STAC: variants seen among roughly 807,000 people sequenced by gnomAD.
The protein encoded by STAC is SH3 and cysteine rich domain, also known as SH3 and cysteine-rich domain-containing protein.
A neutral mutation model predicts 48.8 loss-of-function variants in STAC; 43 were observed. That is an observed-to-expected ratio of 0.88 (90% confidence interval 0.69 to 1.14). STAC has a LOEUF of 1.14. Ranked by LOEUF, STAC falls within the 50% of genes most tolerant of loss-of-function variation. The pLI, the probability that STAC is intolerant of heterozygous loss-of-function variation, is 0.00. For synonymous variants in STAC, 193 were observed against 179.5 expected (o/e 1.07, Z -0.60); for missense variants, 497 against 504.0 (o/e 0.99, Z 0.13).
intron 2 of STAC, among the ~76,000 whole-genome samples, chr3:36,476,162 T>G (rs1697487229): frequency 6.6e-6 from 1 of 152,224 alleles, no homozygotes; most frequent in African/African-American, 2.4e-5. Flanking sequence ...TAATCTTTCC[T>G]GATGGACAGT....
intron 5 of STAC, among the ~76,000 whole-genome samples, chr3:36,492,005 G>GGA (rs1697980061): frequency 1.6e-4 from 1 of 6,428 alleles, no homozygotes; most frequent in Non-Finnish European, 2.6e-4. Context: ...TCCATCTCAA[G>GGA]AAAAAAAAAA....
intron 2 of STAC, among the ~76,000 whole-genome samples, chr3:36,452,827 G>A (rs1696721332): frequency 1.3e-5 from 2 of 152,164 alleles, no homozygotes. Context: ...CTAGAAAGTG[G>A]CAGAAAGGAG....
intron 6 of STAC, among the ~76,000 whole-genome samples, chr3:36,499,118 T>C (rs747507218): frequency 8.5e-5 from 13 of 152,156 alleles, no homozygotes; most frequent in Non-Finnish European, 1.5e-4. Context: ...GTATTTACAG[T>C]TCAATTAAGA....
At chr3:36,503,514 T>C (rs1354823389) in intron 6 of STAC, among the ~76,000 whole-genome samples, 3 of 152,168 alleles carry the variant, frequency 2.0e-5, no homozygotes, top group African/African-American at 7.2e-5. Flanking sequence ...TACTGCAACC[T>C]CCACCTTGCA....
intron 1 of STAC, among the ~76,000 whole-genome samples, chr3:36,408,956 A>AGCAAAATTAT (rs1700138292): frequency 6.6e-6 from 1 of 152,238 alleles, no homozygotes. Flanking sequence ...CACAGAGCAC[A>AGCAAAATTAT]GCAAAATTAT....
At chr3:36,515,040 A>G in intron 8 of STAC, among the ~76,000 whole-genome samples, 1 of 94,920 alleles carries the variant, frequency 1.1e-5, no homozygotes. Flanking sequence ...TCTGTCTCCA[A>G]ATAATAATAA....
intron 6 of STAC, among the ~76,000 whole-genome samples, chr3:36,503,678 C>G (rs1458626393): frequency 6.6e-6 from 1 of 152,098 alleles, no homozygotes; most frequent in African/African-American, 2.4e-5. Flanking sequence ...AGTGATCTAC[C>G]CGCCTCGGCC....
At chr3:36,491,496 G>A (rs111676285) in intron 5 of STAC, among the ~76,000 whole-genome samples, 3 of 152,176 alleles carry the variant, frequency 2.0e-5, no homozygotes, top group African/African-American at 7.2e-5. Context: ...GAAATTGTGA[G>A]CTTCAAAGGG....
intron 2 of STAC, among the ~76,000 whole-genome samples, chr3:36,445,082 C>T (rs1696471332): frequency 6.6e-6 from 1 of 152,246 alleles, no homozygotes; most frequent in East Asian, 1.9e-4. Context: ...TGATGAGCCT[C>T]TATTTTAGAT....
At chr3:36,543,532 C>T (rs994183558) in intron 10 of STAC, among the ~76,000 whole-genome samples, 1 of 152,134 alleles carries the variant, frequency 6.6e-6, no homozygotes, top group African/African-American at 2.4e-5. Context: ...ATTTCAGAGA[C>T]ACTTCCGAAC....
intron 2 of STAC, among the ~76,000 whole-genome samples, chr3:36,460,365 T>C (rs1306832949): frequency 6.6e-6 from 1 of 152,154 alleles, no homozygotes. Flanking sequence ...GAAATTCAGA[T>C]AAACGACAAA....
chr3:36,488,162 G>A (rs1250923159), intron 5 of STAC, among the ~76,000 whole-genome samples: 1 of 152,114 alleles, frequency 6.6e-6, no homozygotes, highest in Non-Finnish European at 1.5e-5. Flanking sequence ...CAAACTCCTG[G>A]AGTCAAATGA....
chr3:36,444,896 G>A (rs1480556494), intron 2 of STAC, among the ~76,000 whole-genome samples: 1 of 152,110 alleles, frequency 6.6e-6, no homozygotes, highest in Non-Finnish European at 1.5e-5. Flanking sequence ...GCTGGGCCGG[G>A]GGCGATGGAG....
At chr3:36,425,728 A>C (rs1401263346) in intron 1 of STAC, among the ~76,000 whole-genome samples, 2 of 152,242 alleles carry the variant, frequency 1.3e-5, no homozygotes, top group African/African-American at 4.8e-5. Flanking sequence ...AAAATGTTAG[A>C]AAAAGAAATA....
chr3:36,538,438 T>C (rs2125502237), intron 10 of STAC, among the ~76,000 whole-genome samples: 1 of 152,326 alleles, frequency 6.6e-6, no homozygotes, highest in South Asian at 2.1e-4. Flanking sequence ...TCAGAGTTTT[T>C]ATTTTTAAAA....
chr3:36,398,737 A>C (rs1391462187), intron 1 of STAC, among the ~76,000 whole-genome samples: 1 of 152,128 alleles, frequency 6.6e-6, no homozygotes, highest in Non-Finnish European at 1.5e-5. Flanking sequence ...GAGAGAAGGA[A>C]GGGAGGGAGG....
chr3:36,524,861 C>T (rs892198127), intron 8 of STAC, among the ~76,000 whole-genome samples: 10 of 152,160 alleles, frequency 6.6e-5, no homozygotes, highest in African/African-American at 2.4e-4. Context: ...CAAGGGCTAC[C>T]CTCGAGCAAG....
At chr3:36,507,097 C>G (rs1698421164) in intron 8 of STAC, among the ~76,000 whole-genome samples, 1 of 152,086 alleles carries the variant, frequency 6.6e-6, no homozygotes, top group Non-Finnish European at 1.5e-5. Context: ...GTCCTTCCAT[C>G]AATACTTAGT....
Position 36,547,276 on chromosome 3 carries a change from G to A in STAC, c.*987G>A, listed in dbSNP as rs1300532061. On this transcript the variant is annotated 3_prime_UTR_variant, in exon 11 of 11. Transcript: ENST00000273183. ...TTGCAGGGAACTAGGAACATGGAGGGGAACCAACAACAGCATCTTAGAAGA... is the reference window on the plus strand; with the variant it reads ...TTGCAGGGAACTAGGAACATGGAGGAGAACCAACAACAGCATCTTAGAAGA... 1 of 152,506 alleles carries A rather than the reference G, an allele frequency of 6.6e-6. No individual in the cohort carries two copies. The highest frequency in any genetic ancestry group is 2.4e-5 in the African/African-American group (1 of 41,438). 9.4% of individuals were successfully genotyped at this position (152,506 alleles called of 1,614,324 possible).
Sources: gnomAD v4.1 joint callset for allele counts (sites outside exome capture counted in the v4.1 genomes callset) on GRCh38, gnomAD v4.1.1 for gene constraint, MANE v1.5 for transcripts, NCBI Gene and HGNC (gene_info 2026-07-23, HGNC 2026-07-21) for gene names.